Variants in CSMD1 observed in about 807,000 individuals in gnomAD.
CSMD1 encodes the protein CUB and sushi domain-containing protein 1.
Under a neutral mutation model 417.5 loss-of-function variants are expected in CSMD1, and 213 were observed. The ratio of observed to expected loss-of-function variants is 0.51; its 90% CI spans 0.46 to 0.57. The LOEUF is 0.57. Among genes scored for constraint, CSMD1 ranks in the 20% least tolerant of loss-of-function variants. The pLI, the probability that CSMD1 is intolerant of heterozygous loss-of-function variation, is 0.00. For missense variants in CSMD1, 6,923 were observed against 4,529.7 expected, an observed-to-expected ratio of 1.53 and a Z score of -15.17; for synonymous variants, 2,862 against 1,736.8, an observed-to-expected ratio of 1.65 and a Z score of -16.11.
At chr8:4,656,214 T>C (rs566862701) in intron 1 of CSMD1, among the ~76,000 whole-genome samples, 4 of 152,108 alleles carry the variant, frequency 2.6e-5, no homozygotes, top group African/African-American at 9.7e-5. Flanking sequence ...GAAGGGAATA[T>C]GGCTGTGGAA....
chr8:3,897,507 C>G (rs1444379986), intron 5 of CSMD1, among the ~76,000 whole-genome samples: 2 of 151,816 alleles, frequency 1.3e-5, no homozygotes, highest in East Asian at 3.9e-4. Context: ...CATGCATAAA[C>G]TTGGAATGCT....
chr8:4,620,486 A>G (rs1801713074), intron 2 of CSMD1, among the ~76,000 whole-genome samples: 1 of 151,698 alleles, frequency 6.6e-6, no homozygotes, highest in African/African-American at 2.4e-5. Flanking sequence ...GAACTATAAA[A>G]AAGTTACCCC....
chr8:3,268,292 T>A (rs1272388409), intron 26 of CSMD1, among the ~76,000 whole-genome samples: 1 of 96,554 alleles, frequency 1.0e-5, no homozygotes, highest in Non-Finnish European at 2.3e-5. Flanking sequence ...ATTTCCTATT[T>A]TTTTTTTTTT....
chr8:3,040,662 G>A (rs959517981), intron 50 of CSMD1, among the ~76,000 whole-genome samples: 2 of 151,918 alleles, frequency 1.3e-5, no homozygotes, highest in African/African-American at 4.8e-5. Context: ...AATTAGCCGG[G>A]CATGGCGGCG....
chr8:4,180,385 C>T (rs189439212), intron 3 of CSMD1, among the ~76,000 whole-genome samples: 1,371 of 136,010 alleles, frequency 0.01, 14 homozygotes, highest in South Asian at 0.031. Context: ...AATGAGAACA[C>T]ATGGACACAG....
At chr8:3,600,081 C>T (rs1801289014) in intron 8 of CSMD1, among the ~76,000 whole-genome samples, 1 of 152,164 alleles carries the variant, frequency 6.6e-6, no homozygotes, top group Admixed American at 6.5e-5. Context: ...TTGCTGAACA[C>T]TTAAGAAAAG....
intron 26 of CSMD1, among the ~76,000 whole-genome samples, chr8:3,247,104 C>G (rs1362149786): frequency 6.6e-6 from 1 of 152,130 alleles, no homozygotes; most frequent in Admixed American, 6.6e-5. Context: ...GAGAAGCTGC[C>G]TGGGTGAGGT....
chr8:4,278,271 A>T (rs1796595132), intron 3 of CSMD1, among the ~76,000 whole-genome samples: 2 of 152,252 alleles, frequency 1.3e-5, no homozygotes, highest in South Asian at 4.1e-4. Context: ...TTTTCAATGG[A>T]TGGAGTGTAA....
intron 1 of CSMD1, among the ~76,000 whole-genome samples, chr8:4,850,721 C>G (rs1439911779): frequency 6.6e-6 from 1 of 152,024 alleles, no homozygotes; most frequent in African/African-American, 2.4e-5. Flanking sequence ...TGTCGTGAAG[C>G]AGTTGTGTGC....
chr8:3,735,806 C>T (rs878859915), intron 6 of CSMD1, among the ~76,000 whole-genome samples: 1 of 152,214 alleles, frequency 6.6e-6, no homozygotes, highest in Non-Finnish European at 1.5e-5. Flanking sequence ...TGGCCAATTA[C>T]ACTTTCTATC....
intron 40 of CSMD1, among the ~76,000 whole-genome samples, chr8:3,144,367 C>T (rs1818702124): frequency 1.3e-5 from 2 of 151,688 alleles, no homozygotes; most frequent in South Asian, 4.2e-4. Flanking sequence ...TTATGTTCAA[C>T]CTAGATTGAA....
At chr8:3,960,917 A>G (rs1812281951) in intron 5 of CSMD1, among the ~76,000 whole-genome samples, 1 of 152,048 alleles carries the variant, frequency 6.6e-6, no homozygotes, top group South Asian at 2.1e-4. Flanking sequence ...CTAGACTTAG[A>G]TTATTCCTCT....
At chr8:3,753,468 T>C (rs1797470126) in intron 6 of CSMD1, among the ~76,000 whole-genome samples, 1 of 152,224 alleles carries the variant, frequency 6.6e-6, no homozygotes, top group Admixed American at 6.5e-5. Context: ...ATCTTTCTTT[T>C]AAGATTCATT....
rs552319438 is a variant in CSMD1, at chr8:3,870,898, C to G, written c.819-116856G>C. Among the ~76,000 whole-genome samples, 4 of 152,044 alleles carry G rather than the reference C, an allele frequency of 2.6e-5. No individual in the cohort carries two copies. In the South Asian group the frequency reaches 8.3e-4, roughly 32 times the overall value. ...CTGAGTTTAATGTTCCGTTTGCTAG[C>G]TTTTCTTCTTTTATTGCATGTACAT... On this transcript the variant is annotated intron_variant, in intron 5 of 69. Coordinates refer to ENST00000635120, the MANE Select transcript of CSMD1 (RefSeq NM_033225.6).
At chr8:4,400,304 G>T (rs75151007) in intron 3 of CSMD1, among the ~76,000 whole-genome samples, 1 of 152,188 alleles carries the variant, frequency 6.6e-6, no homozygotes, top group Non-Finnish European at 1.5e-5. Flanking sequence ...ATGGGATTTC[G>T]CAGTTCCTGG....
intron 3 of CSMD1, among the ~76,000 whole-genome samples, chr8:4,099,820 G>T (rs951059332): frequency 6.6e-6 from 1 of 152,050 alleles, no homozygotes; most frequent in African/African-American, 2.4e-5. Context: ...ATCCCTGATT[G>T]TATCCACATC....
intron 2 of CSMD1, among the ~76,000 whole-genome samples, chr8:4,631,769 C>G (rs1385560189): frequency 6.6e-6 from 1 of 152,164 alleles, no homozygotes; most frequent in Non-Finnish European, 1.5e-5. Flanking sequence ...CACCTCTAAC[C>G]TCTTCATTAT....
chr8:4,366,771 A>C (rs182573719), intron 3 of CSMD1, among the ~76,000 whole-genome samples: 1 of 152,264 alleles, frequency 6.6e-6, no homozygotes, highest in Admixed American at 6.5e-5. Flanking sequence ...CGTTAGTTAC[A>C]TACATATACA....
At chr8:4,189,769 C>G (rs528449751) in intron 3 of CSMD1, among the ~76,000 whole-genome samples, 4 of 152,108 alleles carry the variant, frequency 2.6e-5, no homozygotes, top group Non-Finnish European at 5.9e-5. Flanking sequence ...GAAGATTAAA[C>G]AGGCACACAA....
Sources: allele counts gnomAD v4.1 joint callset (sites outside exome capture counted in the v4.1 genomes callset), GRCh38; gene constraint gnomAD v4.1.1; transcripts MANE v1.5; gene names NCBI Gene and HGNC (gene_info 2026-07-23, HGNC 2026-07-21).